Variants in EFCAB6 observed in about 807,000 individuals in gnomAD.
The protein encoded by EFCAB6 is EF-hand calcium-binding domain-containing protein 6.
A neutral mutation model predicts 169.8 loss-of-function variants in EFCAB6; 156 were observed. The ratio of observed to expected loss-of-function variants is 0.92; its 90% CI spans 0.81 to 1.05. EFCAB6 has a LOEUF of 1.05. Among genes scored for constraint, EFCAB6 ranks in the 50% least tolerant of loss-of-function variants. The probability of loss-of-function intolerance (pLI) is 0.00; values close to 1 mark genes in which losing one functional copy is unlikely to be tolerated. For synonymous variants in EFCAB6, 698 were observed against 676.4 expected (o/e 1.03, Z -0.50); for missense variants, 1,800 against 1,829.1 (o/e 0.98, Z 0.29).
chr22:43,699,577 G>A, intron 10 of EFCAB6, among the ~76,000 whole-genome samples: 1 of 152,104 alleles, frequency 6.6e-6, no homozygotes, highest in Non-Finnish European at 1.5e-5. Context: ...CCAATGTAAT[G>A]TTCAAGTTAA....
intron 16 of EFCAB6, among the ~76,000 whole-genome samples, chr22:43,668,067 T>C (rs1217291743): frequency 1.3e-5 from 2 of 152,230 alleles, no homozygotes; most frequent in Non-Finnish European, 2.9e-5. Flanking sequence ...ACATATCTTA[T>C]CATGGAATAT....
intron 13 of EFCAB6, among the ~76,000 whole-genome samples, chr22:43,675,206 A>G (rs2057671795): frequency 6.9e-6 from 1 of 145,380 alleles, no homozygotes; most frequent in South Asian, 2.1e-4. Flanking sequence ...GTAATATATA[A>G]TATATATCAT....
intron 15 of EFCAB6, among the ~76,000 whole-genome samples, chr22:43,669,850 A>G (rs1278758002): frequency 6.6e-6 from 1 of 152,218 alleles, no homozygotes; most frequent in Non-Finnish European, 1.5e-5. Flanking sequence ...CGAGGCCAGA[A>G]CTAGTTTTCT....
intron 17 of EFCAB6, among the ~76,000 whole-genome samples, chr22:43,636,233 C>T (rs1002395754): frequency 1.3e-5 from 2 of 151,910 alleles, no homozygotes; most frequent in African/African-American, 4.9e-5. Flanking sequence ...CACAGGTTAT[C>T]ATCAACAAAG....
chr22:43,557,011 A>G (rs925890409), intron 26 of EFCAB6, among the ~76,000 whole-genome samples: 1 of 152,220 alleles, frequency 6.6e-6, no homozygotes, highest in African/African-American at 2.4e-5. Context: ...ACATAGAGCC[A>G]TACCTCTCAG....
intron 26 of EFCAB6, among the ~76,000 whole-genome samples, chr22:43,569,297 T>C (rs755096122): frequency 6.6e-6 from 1 of 152,256 alleles, no homozygotes; most frequent in Non-Finnish European, 1.5e-5. Context: ...CTCAGCAGCC[T>C]GTGCAACCTC....
intron 20 of EFCAB6, among the ~76,000 whole-genome samples, chr22:43,617,675 G>T (rs1470015663): frequency 6.6e-6 from 1 of 152,180 alleles, no homozygotes. Context: ...CAGCTCGTTA[G>T]TCACAGATAC....
rs1032945401 is a variant in EFCAB6, at chr22:43,789,839, G to T, written c.-7-7514C>A. ...ATAATTGTCTGAGGCTCCTAAGTTG[G>T]CTAACCTTCACACACACACACACAC... On this transcript the variant is annotated intron_variant, in intron 2 of 31. Transcript: ENST00000262726. 2.4e-4 allele frequency among the ~76,000 whole-genome samples: 29 copies of T among 119,594 alleles called. 1 individual carries two copies. The highest frequency in any genetic ancestry group is 9.2e-4 in the African/African-American group (28 of 30,280). The allele number at this position is 119,594 out of a possible 152,430, so 78.5% of individuals were successfully genotyped here. A position where few individuals can be genotyped will look rare whatever the true frequency, so the allele number is the denominator to read the frequency against.
intron 26 of EFCAB6, among the ~76,000 whole-genome samples, chr22:43,562,364 G>A (rs372396633): frequency 6.6e-6 from 1 of 152,178 alleles, no homozygotes; most frequent in African/African-American, 2.4e-5. Flanking sequence ...CTTTGATGGG[G>A]TGCTTCTCAG....
chr22:43,782,365 G>C, intron 2 of EFCAB6, 40 bp from the exon 3 acceptor site: 1 of 1,587,108 alleles, frequency 6.3e-7, no homozygotes, highest in Non-Finnish European at 8.6e-7. Context: ...ACCTTAAAGA[G>C]CATACATTCC....
At chr22:43,679,167 C>T (rs1055741594) in intron 12 of EFCAB6, among the ~76,000 whole-genome samples, 4 of 152,140 alleles carry the variant, frequency 2.6e-5, no homozygotes, top group Non-Finnish European at 2.9e-5. Flanking sequence ...CATTTCTTGC[C>T]CCAGCCTAAG....
rs980453857 is a variant in EFCAB6, at chr22:43,563,315, C to T, written c.3421-8219G>A. On this transcript the variant is annotated intron_variant, in intron 26 of 31. Coordinates refer to ENST00000262726, the MANE Select transcript of EFCAB6 (RefSeq NM_022785.4). ...TGGGGTAAAGTGAAAATAAAAACAG[C>T]CACCTCTTTGGAAAGTTCAAGAGGG... 2.0e-5 allele frequency among the ~76,000 whole-genome samples: 3 copies of T among 152,236 alleles called. No individual in the cohort carries two copies. The South Asian group carries it at 6.2e-4, about 32-fold the overall frequency.
intron 18 of EFCAB6, among the ~76,000 whole-genome samples, chr22:43,633,215 GC>G (rs1377549382): frequency 1.3e-5 from 2 of 152,064 alleles, no homozygotes; most frequent in Admixed American, 6.5e-5. Flanking sequence ...ATGCCCTCTC[GC>G]TCCCCTAAAA....
intron 6 of EFCAB6, among the ~76,000 whole-genome samples, chr22:43,740,918 C>T (rs1458173915): frequency 6.6e-6 from 1 of 152,190 alleles, no homozygotes; most frequent in African/African-American, 2.4e-5. Flanking sequence ...CAGAGCAACC[C>T]ATATGGATCT....
At chr22:43,761,960 GT>G (rs1216867899) in intron 5 of EFCAB6, among the ~76,000 whole-genome samples, 4 of 152,146 alleles carry the variant, frequency 2.6e-5, no homozygotes, top group Non-Finnish European at 5.9e-5. Context: ...CTCTTCATAT[GT>G]TTTTTAAGAT....
At chr22:43,633,882 G>A (rs1393194999) in intron 18 of EFCAB6, among the ~76,000 whole-genome samples, 1 of 152,148 alleles carries the variant, frequency 6.6e-6, no homozygotes, top group Admixed American at 6.5e-5. Context: ...CCACCCCACC[G>A]CCTGACCCCT....
chr22:43,598,717 T>A lies in EFCAB6; in HGVS notation c.2876+1352A>T, dbSNP rs533784025. On this transcript the variant is annotated intron_variant, in intron 23 of 31. Coordinates refer to ENST00000262726, the MANE Select transcript of EFCAB6 (RefSeq NM_022785.4). ...TTTCCCATTTACCCTGAAGTGATTATTACACATTGCATGCCTGTATCAAAA... is the reference window on the plus strand; with the variant it reads ...TTTCCCATTTACCCTGAAGTGATTAATACACATTGCATGCCTGTATCAAAA... Among the ~76,000 whole-genome samples, 9 of 152,324 alleles carry A rather than the reference T, an allele frequency of 5.9e-5. No homozygotes were observed. In the South Asian group the frequency reaches 1.9e-3, roughly 32 times the overall value.
intron 10 of EFCAB6, among the ~76,000 whole-genome samples, chr22:43,698,322 GTAAAATT>G (rs2058648895): frequency 6.6e-6 from 1 of 152,164 alleles, no homozygotes; most frequent in South Asian, 2.1e-4. Flanking sequence ...GGGGGCAAGA[GTAAAATT>G]CAAGATTTGT....
intron 3 of EFCAB6, among the ~76,000 whole-genome samples, chr22:43,779,832 A>G (rs1254068553): frequency 6.6e-6 from 1 of 152,156 alleles, no homozygotes; most frequent in African/African-American, 2.4e-5. Context: ...CAAAAAAGAA[A>G]AATACCTGTG....
Sources: gnomAD v4.1 joint callset for allele counts (sites outside exome capture counted in the v4.1 genomes callset) on GRCh38, gnomAD v4.1.1 for gene constraint, MANE v1.5 for transcripts, NCBI Gene and HGNC (gene_info 2026-07-23, HGNC 2026-07-21) for gene names.